Variants in OPCML observed in about 807,000 individuals in gnomAD.
OPCML encodes opioid-binding protein/cell adhesion molecule.
Under a neutral mutation model 37.8 loss-of-function variants are expected in OPCML, and 13 were observed. That is an observed-to-expected ratio of 0.34 (90% CI 0.22 to 0.55). The LOEUF (loss-of-function observed/expected upper bound fraction) is 0.55, where lower values mean the gene tolerates loss of function less well. Ranked by LOEUF, OPCML falls within the 20% of genes least tolerant of loss-of-function variation. OPCML has a pLI of 0.91. For missense variants in OPCML, 341 were observed against 435.6 expected, an observed-to-expected ratio of 0.78 and a Z score of 1.93; for synonymous variants, 176 against 168.8, an observed-to-expected ratio of 1.04 and a Z score of -0.33.
chr11:132,993,107 C>T (rs1438990065), intron 1 of OPCML, among the ~76,000 whole-genome samples: 2 of 152,166 alleles, frequency 1.3e-5, no homozygotes. Context: ...CACTGGTTTG[C>T]CTTGGTTTCA....
intron 4 of OPCML, among the ~76,000 whole-genome samples, chr11:132,494,132 T>A (rs2096224172): frequency 6.6e-6 from 1 of 152,230 alleles, no homozygotes; most frequent in Non-Finnish European, 1.5e-5. Flanking sequence ...TAATGGTCTC[T>A]GTTGTCAGAT....
chr11:132,575,692 T>C (rs547762050), intron 3 of OPCML, among the ~76,000 whole-genome samples: 1 of 152,232 alleles, frequency 6.6e-6, no homozygotes, highest in African/African-American at 2.4e-5. Flanking sequence ...TACAGTATTC[T>C]GTATGTTTAC....
chr11:132,590,610 A>T (rs1251643275), intron 3 of OPCML, among the ~76,000 whole-genome samples: 1 of 152,198 alleles, frequency 6.6e-6, no homozygotes, highest in East Asian at 1.9e-4. Context: ...ATAAAGTCAA[A>T]CAGATTAGAA....
At chr11:132,718,604 A>G (rs780421656) in intron 2 of OPCML, among the ~76,000 whole-genome samples, 3 of 152,142 alleles carry the variant, frequency 2.0e-5, no homozygotes, top group Admixed American at 6.5e-5. Context: ...GCGCTGGCTG[A>G]CGTGTCCATA....
At chr11:132,461,522 TA>T (rs1486788538) in intron 4 of OPCML, among the ~76,000 whole-genome samples, 1 of 152,182 alleles carries the variant, frequency 6.6e-6, no homozygotes, top group Non-Finnish European at 1.5e-5. Flanking sequence ...GGATCCTTGG[TA>T]ATTCTCTTTG....
At chr11:132,600,036 C>A (rs751937502) in intron 3 of OPCML, among the ~76,000 whole-genome samples, 1 of 152,150 alleles carries the variant, frequency 6.6e-6, no homozygotes, top group Non-Finnish European at 1.5e-5. Context: ...GTCAAAGATC[C>A]GTTTAAGGGA....
In OPCML at chr11:132,921,201, T is replaced by G. The variant is rs1470883034; in HGVS notation, c.146+21725A>C. Among the ~76,000 whole-genome samples the G allele has an allele frequency of 2.0e-5, 3 of 152,230 alleles. No individual in the cohort carries two copies. In the East Asian group the frequency reaches 5.8e-4, roughly 29 times the overall value. The stretch of plus-strand genomic sequence containing the variant: ...TTTCCCTCAGCTTTTTTGTTTTTCT[T>G]AAGACACAGATTGCTGCAGACATCA... On this transcript the variant is annotated intron_variant, in intron 2 of 7. Transcript: ENST00000524381.
At chr11:133,318,966 G>A (rs1228811081) in intron 1 of OPCML, among the ~76,000 whole-genome samples, 1 of 152,056 alleles carries the variant, frequency 6.6e-6, no homozygotes, top group Non-Finnish European at 1.5e-5. Context: ...GACAGAGGTT[G>A]CAGTGAGCCG....
chr11:133,172,874 G>A (rs1267530204), intron 1 of OPCML, among the ~76,000 whole-genome samples: 6 of 152,086 alleles, frequency 3.9e-5, no homozygotes, highest in Admixed American at 6.5e-5. Flanking sequence ...TATTAAATAC[G>A]TTATCTCATT....
intron 2 of OPCML, among the ~76,000 whole-genome samples, chr11:132,851,425 C>A (rs1256823413): frequency 1.3e-5 from 2 of 152,160 alleles, no homozygotes; most frequent in African/African-American, 4.8e-5. Flanking sequence ...GGCTGCCATA[C>A]TAAGAGGCTC....
At chr11:133,381,696 C>T (rs746722442) in intron 1 of OPCML, among the ~76,000 whole-genome samples, 27 of 152,250 alleles carry the variant, frequency 1.8e-4, no homozygotes, top group South Asian at 1.2e-3. Flanking sequence ...GTGAGCGTAA[C>T]GAGTCAGAAA....
intron 1 of OPCML, among the ~76,000 whole-genome samples, chr11:133,060,607 C>G (rs1948324252): frequency 6.6e-6 from 1 of 152,224 alleles, no homozygotes. Flanking sequence ...CAGGTCCCTG[C>G]TCCTACTGTG....
intron 3 of OPCML, among the ~76,000 whole-genome samples, chr11:132,551,197 G>A (rs993920842): frequency 1.3e-5 from 2 of 152,300 alleles, no homozygotes; most frequent in East Asian, 1.9e-4. Context: ...TCTGTGCCCC[G>A]ATGTGATTGG....
intron 2 of OPCML, among the ~76,000 whole-genome samples, chr11:132,761,677 C>T (rs1055034003): frequency 1.3e-5 from 2 of 152,138 alleles, no homozygotes; most frequent in East Asian, 1.9e-4. Context: ...ATCTTCTTCT[C>T]TTAACTGGTT....
intron 2 of OPCML, among the ~76,000 whole-genome samples, chr11:132,918,211 A>G (rs950637419): frequency 1.3e-5 from 2 of 152,156 alleles, no homozygotes; most frequent in African/African-American, 2.4e-5. Flanking sequence ...TTTTTCTAGT[A>G]CTATGTTTAT....
intron 1 of OPCML, among the ~76,000 whole-genome samples, chr11:133,423,800 C>T (rs1015753516): frequency 6.6e-6 from 1 of 152,096 alleles, no homozygotes; most frequent in South Asian, 2.1e-4. Context: ...GCATGCTCTC[C>T]ACAGTAATGA....
At chr11:133,217,982 G>A (rs1164084706) in intron 1 of OPCML, among the ~76,000 whole-genome samples, 2 of 151,640 alleles carry the variant, frequency 1.3e-5, no homozygotes, top group Non-Finnish European at 2.9e-5. Flanking sequence ...GGAAGTGGAG[G>A]CTGCAATGAG....
chr11:132,994,441 G>A (rs1946844330), intron 1 of OPCML, among the ~76,000 whole-genome samples: 1 of 152,200 alleles, frequency 6.6e-6, no homozygotes, highest in Non-Finnish European at 1.5e-5. Context: ...GAGCTGCTGG[G>A]GGCTCGCCGT....
At chr11:132,939,960 C>A (rs542051814) in intron 2 of OPCML, among the ~76,000 whole-genome samples, 7 of 152,322 alleles carry the variant, frequency 4.6e-5, no homozygotes, top group Admixed American at 2.6e-4. Context: ...TTTTCCATAT[C>A]ATCTCTCTTC....
Sources: allele counts gnomAD v4.1 joint callset (sites outside exome capture counted in the v4.1 genomes callset), GRCh38; gene constraint gnomAD v4.1.1; transcripts MANE v1.5; gene names NCBI Gene and HGNC (gene_info 2026-07-23, HGNC 2026-07-21).